Variants in ARID3B observed in about 807,000 individuals in gnomAD.
The protein encoded by ARID3B is AT-rich interaction domain 3B.
A neutral mutation model predicts 51.9 loss-of-function variants in ARID3B; 10 were observed. That is an observed-to-expected ratio of 0.19 (90% CI 0.12 to 0.33). The LOEUF is 0.33. Among genes scored for constraint, ARID3B ranks in the 10% least tolerant of loss-of-function variants. The pLI is 1.00. For missense variants in ARID3B, 483 were observed against 716.3 expected (o/e 0.67, Z 3.72); for synonymous variants, 205 against 279.5 (o/e 0.73, Z 2.66).
At chr15:74,552,056 C>CTTTTTTTTTTTTTTTTTTTTTTTTTTTT (rs869096001) in intron 2 of ARID3B, among the ~76,000 whole-genome samples, 1 of 102,630 alleles carries the variant, frequency 9.7e-6, no homozygotes, top group African/African-American at 4.1e-5. Flanking sequence ...TCTTTCTTTC[C>CTTTTTTTTTTTTTTTTTTTTTTTTTTTT]TTTTTTTTTT....
At chr15:74,542,472 T>G (rs1251057095) in intron 1 of ARID3B, among the ~76,000 whole-genome samples, 1 of 152,154 alleles carries the variant, frequency 6.6e-6, no homozygotes, top group Non-Finnish European at 1.5e-5. Flanking sequence ...AAACAGAAAA[T>G]GAGAATTTTT....
rs1468227488 is a variant in ARID3B, at chr15:74,583,967, G to A, written c.698-5853G>A. Among the ~76,000 whole-genome samples, 4 of 152,226 alleles carry A rather than the reference G, an allele frequency of 2.6e-5. No homozygotes were observed. The East Asian group carries it at 7.7e-4, about 29-fold the overall frequency. The stretch of plus-strand genomic sequence containing the variant: ...CTACAAGCTGCACGGCAGACTACCA[G>A]ACACTGCTGCCTGATTTCCCAGTGG... On this transcript the variant is annotated intron_variant, in intron 4 of 8. Transcript: ENST00000346246.
chr15:74,552,898 G>A (rs1207690841), intron 2 of ARID3B, among the ~76,000 whole-genome samples: 9 of 152,212 alleles, frequency 5.9e-5, no homozygotes, highest in Non-Finnish European at 8.8e-5. Context: ...ATACACATCT[G>A]TATACAGGTT....
At position 74,591,767 on chromosome 15, in the gene ARID3B, T is replaced by C; in HGVS notation, c.1373T>C (p.Phe458Ser). 6.2e-7 allele frequency: 1 copy of C among 1,614,154 alleles called. No individual in the cohort carries two copies. Among genetic ancestry groups the C allele is most frequent in the Non-Finnish European group, 8.5e-7 (1 of 1,180,028 alleles). The change falls in exon 7 of 9, where the codon TTC becomes TCC. Residue 458 changes from phenylalanine (F) to serine (S), a missense_variant. By Grantham distance (155) the Phe-to-Ser change is radical. Transcript: ENST00000346246. This position sits in a 1 kb window ranked among gnomAD's most constrained non-coding sequence, Gnocchi z 5.8. ...LVQQAFQRNF[F>S]SMARQLPMKI... is the part of the protein sequence containing the mutation. ...CAGCAGGCCTTCCAGCGCAACTTTT[T>C]CAGCATGGCACGGCAGCTCCCCATG... is the stretch of plus-strand genomic sequence containing the variant.
rs759400450 is a variant in ARID3B, at chr15:74,595,787, A to G, written c.*13A>G. 1.9e-6 allele frequency: 3 copies of G among 1,600,510 alleles called. No individual in the cohort carries two copies. The highest frequency in any genetic ancestry group is 2.6e-6 in the Non-Finnish European group (3 of 1,171,872). On this transcript the variant is annotated 3_prime_UTR_variant, in exon 9 of 9. Coordinates refer to ENST00000346246, the MANE Select transcript of ARID3B (RefSeq NM_006465.4). ...CTGGTCCCTCTGATGGGCAGGACCC[A>G]GCTTCCCACTTGCCACTCTCCTGTC...
At chr15:74,589,719 G>C (rs1479885382) in intron 4 of ARID3B, 101 bp from the exon 5 acceptor site, 5 of 1,249,408 alleles carry the variant, frequency 4.0e-6, no homozygotes, top group Non-Finnish European at 4.5e-6. Context: ...CCAGGTTGAT[G>C]AGCATTGTTT....
intron 5 of ARID3B, 81 bp downstream of exon 5, chr15:74,590,084 A>G: frequency 7.2e-7 from 1 of 1,394,964 alleles, no homozygotes; most frequent in Non-Finnish European, 9.5e-7. Flanking sequence ...AAGGAAGGAA[A>G]TTCCTTTGTA....
chr15:74,546,849 A>G (rs2061617739), intron 2 of ARID3B, among the ~76,000 whole-genome samples: 1 of 152,190 alleles, frequency 6.6e-6, no homozygotes, highest in Admixed American at 6.5e-5. Flanking sequence ...TCAGATGTGC[A>G]CGTCCTTTTC....
At position 74,593,173 on chromosome 15, in the gene ARID3B, C is replaced by G; in HGVS notation, c.1456C>G (p.Leu486Val). 1 of 1,613,818 alleles carries G rather than the reference C, an allele frequency of 6.2e-7. No individual in the cohort carries two copies. Among genetic ancestry groups the G allele is most frequent in the Non-Finnish European group, 8.5e-7 (1 of 1,179,994 alleles). The change falls in exon 8 of 9, where the codon CTG becomes GTG. Residue 486 changes from leucine (L) to valine (V), a missense_variant. Leu to Val is a conservative substitution (Grantham distance 32). Coordinates refer to ENST00000346246, the MANE Select transcript of ARID3B (RefSeq NM_006465.4). ...AGAGGCCTCGGCTGCAGCACTGAACCTGACCACGAGTAGCATTGGGAGCAT... is the reference window on the plus strand; with the variant it reads ...AGAGGCCTCGGCTGCAGCACTGAACGTGACCACGAGTAGCATTGGGAGCAT... The part of the protein sequence containing the change: ...RAEASAAALN[L>V]TTSSIGSINM...
Position 74,591,278 on chromosome 15 carries a change from G to A in ARID3B, c.1009G>A (p.Gly337Ser), listed in dbSNP as rs759290574. The A allele has an allele frequency of 8.1e-6, 13 of 1,613,966 alleles. No individual in the cohort carries two copies. Among genetic ancestry groups the A allele is most frequent in the Non-Finnish European group, 1.0e-5 (12 of 1,180,004 alleles). The change falls in exon 6 of 9, where the codon GGC (glycine) becomes AGC (serine). Residue 337 changes from glycine to serine, a missense_variant. By Grantham distance (56) the Gly-to-Ser change is moderately conservative. Around this residue, in one of 3 missense-constraint regions of ARID3B, gnomAD observed 265 missense variants for 354.4 expected, o/e 0.75. Transcript: ENST00000346246. The surrounding 1 kb of genome is among the most constrained non-coding windows in gnomAD (Gnocchi z 5.8). ...RRPSYSSSLF[G>S]YSPAAATAAA... ...GCCCAGCTACAGCTCCTCCCTCTTT[G>A]GCTACTCACCTGCTGCGGCTACTGC... is the stretch of plus-strand genomic sequence containing the variant.
At chr15:74,553,158 T>C (rs748534654) in intron 2 of ARID3B, among the ~76,000 whole-genome samples, 2 of 152,228 alleles carry the variant, frequency 1.3e-5, no homozygotes, top group East Asian at 1.9e-4. Flanking sequence ...TAGCTAATTA[T>C]AGATTCACAG....
chr15:74,564,364 A>T (rs2061690454), intron 2 of ARID3B, among the ~76,000 whole-genome samples: 1 of 152,214 alleles, frequency 6.6e-6, no homozygotes, highest in Admixed American at 6.5e-5. Context: ...AAGATCTGAG[A>T]ATTGGATTTT....
chr15:74,557,448 A>G (rs1023501332), intron 2 of ARID3B, among the ~76,000 whole-genome samples: 1 of 152,112 alleles, frequency 6.6e-6, no homozygotes, highest in African/African-American at 2.4e-5. Flanking sequence ...GAAACTTTCA[A>G]AAAATCTTTT....
At chr15:74,582,986 A>G (rs1275144713) in intron 4 of ARID3B, among the ~76,000 whole-genome samples, 1 of 150,692 alleles carries the variant, frequency 6.6e-6, no homozygotes, top group Non-Finnish European at 1.5e-5. Flanking sequence ...TTGAGCTCAG[A>G]AGTTCAAGAG....
intron 2 of ARID3B, among the ~76,000 whole-genome samples, chr15:74,570,411 T>C (rs2141463858): frequency 7.6e-6 from 1 of 131,134 alleles, no homozygotes; most frequent in South Asian, 2.3e-4. Flanking sequence ...AACTGAGTGT[T>C]AAATAGTTTT....
chr15:74,577,110 G>A (rs2061741084), intron 4 of ARID3B, among the ~76,000 whole-genome samples: 1 of 152,214 alleles, frequency 6.6e-6, no homozygotes, highest in African/African-American at 2.4e-5. Flanking sequence ...TGTAGAGGTT[G>A]TTATTCCCAG....
In ARID3B at chr15:74,591,786, C is replaced by T. The variant is rs764412938; in HGVS notation, c.1392C>T (p.Leu464=). 6.2e-7 allele frequency: 1 copy of T among 1,614,052 alleles called. No homozygotes were observed. The highest frequency in any genetic ancestry group is 8.5e-7 in the Non-Finnish European group (1 of 1,179,948). ...ACTTTTTCAGCATGGCACGGCAGCTCCCCATGAAGATCAGGATCAACGGCA... is the reference window on the plus strand; with the variant it reads ...ACTTTTTCAGCATGGCACGGCAGCTTCCCATGAAGATCAGGATCAACGGCA... ...QRNFFSMARQ[L]PMKIRINGRE... is the part of the protein sequence containing the mutation. Residue 464 remains leucine, a synonymous_variant, in exon 7 of 9, where the codon CTC becomes CTT. Transcript: ENST00000346246. This position sits in a 1 kb window ranked among gnomAD's most constrained non-coding sequence, Gnocchi z 5.8.
rs1190101931 is a variant in ARID3B, at chr15:74,597,984, G to C, written c.*2210G>C. On this transcript the variant is annotated 3_prime_UTR_variant, in exon 9 of 9. Transcript: ENST00000346246. ...TCCATCTTATATGTATTCTAACCAG[G>C]AAAAATGTGATAGCACATGGGTAGC... is the stretch of plus-strand genomic sequence containing the variant. 1.9e-6 allele frequency: 1 copy of C among 532,140 alleles called. No individual in the cohort carries two copies. Among genetic ancestry groups the C allele is most frequent in the Non-Finnish European group, 3.7e-6 (1 of 273,540 alleles). 33.0% of individuals were successfully genotyped at this position (532,140 alleles called of 1,614,324 possible).
In ARID3B at chr15:74,596,587, C is replaced by T; in HGVS notation, c.*813C>T. On this transcript the variant is annotated 3_prime_UTR_variant, in exon 9 of 9. Transcript: ENST00000346246. ...CACTCATCCTTTCCCCAGCCCTCTT[C>T]AGCCCTCCCCAGTCCTCCCCAGCCT... 1 of 233,788 alleles carries T rather than the reference C, an allele frequency of 4.3e-6. No homozygotes were observed. The highest frequency in any genetic ancestry group is 8.5e-6 in the Non-Finnish European group (1 of 118,126). 14.5% of individuals were successfully genotyped at this position (233,788 alleles called of 1,614,324 possible).
Sources: allele counts gnomAD v4.1 joint callset (sites outside exome capture counted in the v4.1 genomes callset), GRCh38; gene constraint gnomAD v4.1.1; regional missense constraint gnomAD v4.1.1; non-coding constraint Gnocchi (gnomAD v3.1); transcripts MANE v1.5; gene names NCBI Gene and HGNC (gene_info 2026-07-23, HGNC 2026-07-21).